The following CFAP61 variants were observed in gnomAD, a reference collection of about 807,000 sequenced individuals.
CFAP61 encodes the protein cilia and flagella associated protein 61, also known as cilia- and flagella-associated protein 61.
CFAP61 carries 107 observed loss-of-function variants against 135.6 expected under a neutral mutation model. That is an observed-to-expected ratio of 0.79 (90% CI 0.67 to 0.93). The LOEUF is 0.93. CFAP61 is among the 40% of genes least tolerant of loss of function. The pLI is 0.00. For synonymous variants in CFAP61, 575 were observed against 578.5 expected (o/e 0.99, Z 0.09); for missense variants, 1,507 against 1,556.2 (o/e 0.97, Z 0.53).
intron 25 of CFAP61, among the ~76,000 whole-genome samples, chr20:20,307,372 G>A (rs1303669088): frequency 6.6e-6 from 1 of 152,206 alleles, no homozygotes. Flanking sequence ...TCATGGGATA[G>A]AAGTATATGT....
chr20:20,077,478 C>G (rs563954741), intron 6 of CFAP61, among the ~76,000 whole-genome samples: 2 of 152,302 alleles, frequency 1.3e-5, no homozygotes, highest in African/African-American at 4.8e-5. Context: ...AGGTTGTTGA[C>G]AGCAAGAGTC....
At chr20:20,206,894 T>G (rs2056881106) in intron 17 of CFAP61, among the ~76,000 whole-genome samples, 1 of 152,188 alleles carries the variant, frequency 6.6e-6, no homozygotes, top group African/African-American at 2.4e-5. Flanking sequence ...TTTGCATTCT[T>G]TCATTCTTAG....
chr20:20,316,515 A>T (rs1324956794), intron 25 of CFAP61, among the ~76,000 whole-genome samples: 2 of 150,798 alleles, frequency 1.3e-5, no homozygotes, highest in Admixed American at 1.3e-4. Context: ...TCTTTTCCTA[A>T]TTGAATACCC....
chr20:20,099,926 C>A (rs1212152827), intron 8 of CFAP61, among the ~76,000 whole-genome samples: 1 of 152,128 alleles, frequency 6.6e-6, no homozygotes, highest in Non-Finnish European at 1.5e-5. Flanking sequence ...ACACACTTAT[C>A]ACAGAGAACC....
intron 2 of CFAP61, among the ~76,000 whole-genome samples, chr20:20,064,281 A>G (rs2045068635): frequency 6.6e-6 from 1 of 152,148 alleles, no homozygotes; most frequent in Non-Finnish European, 1.5e-5. Flanking sequence ...TCACAATTTC[A>G]CGGATTAAAG....
chr20:20,102,487 T>C (rs2048101268), intron 8 of CFAP61, among the ~76,000 whole-genome samples: 1 of 152,174 alleles, frequency 6.6e-6, no homozygotes, highest in Non-Finnish European at 1.5e-5. Flanking sequence ...TGTGTTGTTG[T>C]TTTTTAACTT....
chr20:20,241,477 T>C (rs2050010316), intron 18 of CFAP61, among the ~76,000 whole-genome samples: 2 of 152,236 alleles, frequency 1.3e-5, no homozygotes, highest in Admixed American at 6.5e-5. Context: ...GGTTAGGTTT[T>C]TTAAAAAACT....
chr20:20,175,523 TG>T (rs2054561471), intron 13 of CFAP61, among the ~76,000 whole-genome samples: 1 of 95,344 alleles, frequency 1.0e-5, no homozygotes, highest in African/African-American at 3.2e-5. Flanking sequence ...TGTTTTGTTT[TG>T]TTTTGTTTTG....
intron 17 of CFAP61, among the ~76,000 whole-genome samples, chr20:20,211,226 C>T (rs2047608213): frequency 6.6e-6 from 1 of 152,204 alleles, no homozygotes; most frequent in Admixed American, 6.5e-5. Context: ...ACCTGGTTAG[C>T]CGGGGGCGCG....
At chr20:20,144,386 A>C (rs2146756261) in intron 9 of CFAP61, among the ~76,000 whole-genome samples, 1 of 147,340 alleles carries the variant, frequency 6.8e-6, no homozygotes, top group Admixed American at 6.9e-5. Context: ...AAATGCCCCA[A>C]ATCAAACTTC....
At chr20:20,283,676 T>A (rs532810120) in intron 22 of CFAP61, among the ~76,000 whole-genome samples, 2 of 152,356 alleles carry the variant, frequency 1.3e-5, no homozygotes, top group East Asian at 3.9e-4. Context: ...TCTTCCAGAC[T>A]TGTGTGATAG....
Position 20,328,894 on chromosome 20 carries a change from C to T in CFAP61, c.3423-12937C>T, listed in dbSNP as rs148856319. On this transcript the variant is annotated intron_variant, in intron 25 of 26. Transcript: ENST00000245957. ...AATAACAGGAGCTAACAAGCGTTGTCGGGGTGTGGAGGTTGGGCACCAGCC... is the reference window on the plus strand; with the variant it reads ...AATAACAGGAGCTAACAAGCGTTGTTGGGGTGTGGAGGTTGGGCACCAGCC... 3.8e-3 allele frequency among the ~76,000 whole-genome samples: 572 copies of T among 152,250 alleles called. 3 individuals are homozygous for T. Among genetic ancestry groups the T allele is most frequent in the Non-Finnish European group, 6.6e-3 (450 of 68,014 alleles).
At chr20:20,311,923 A>G (rs78916769) in intron 25 of CFAP61, among the ~76,000 whole-genome samples, 1,871 of 152,332 alleles carry the variant, frequency 0.012, 16 homozygotes, top group Admixed American at 0.018. Flanking sequence ...TAGGGTACAC[A>G]AAAGGGACTC....
intron 13 of CFAP61, among the ~76,000 whole-genome samples, chr20:20,177,664 C>T (rs1732279867): frequency 6.6e-6 from 1 of 150,850 alleles, no homozygotes. Flanking sequence ...GATAGAAATT[C>T]TTGCCCTCAC....
At chr20:20,242,131 C>A (rs2050057783) in intron 18 of CFAP61, among the ~76,000 whole-genome samples, 1 of 152,238 alleles carries the variant, frequency 6.6e-6, no homozygotes, top group Admixed American at 6.5e-5. Context: ...TGCTACTCAA[C>A]AGATTGTCAG....
chr20:20,137,685 C>T (rs1457482255), intron 8 of CFAP61, among the ~76,000 whole-genome samples: 2 of 152,142 alleles, frequency 1.3e-5, no homozygotes, highest in African/African-American at 4.8e-5. Flanking sequence ...CCAGAGATGC[C>T]ATTCAAGAGC....
At chr20:20,185,849 T>C (rs1300823385) in intron 13 of CFAP61, among the ~76,000 whole-genome samples, 3 of 152,236 alleles carry the variant, frequency 2.0e-5, no homozygotes, top group Non-Finnish European at 4.4e-5. Context: ...TATATCTTCC[T>C]AGTGAACTTT....
intron 2 of CFAP61, among the ~76,000 whole-genome samples, chr20:20,070,204 CCT>C (rs1279559848): frequency 1.3e-5 from 2 of 152,172 alleles, no homozygotes; most frequent in Non-Finnish European, 2.9e-5. Flanking sequence ...CACTGGGTTA[CCT>C]TAGCTTAAGC....
intron 8 of CFAP61, among the ~76,000 whole-genome samples, chr20:20,136,682 C>T (rs2050954970): frequency 6.6e-6 from 1 of 152,208 alleles, no homozygotes; most frequent in Non-Finnish European, 1.5e-5. Flanking sequence ...CTCAAATCAG[C>T]TATTTTGAAT....
Sources: allele counts gnomAD v4.1 joint callset (sites outside exome capture counted in the v4.1 genomes callset), GRCh38; gene constraint gnomAD v4.1.1; transcripts MANE v1.5; gene names NCBI Gene and HGNC (gene_info 2026-07-23, HGNC 2026-07-21).